Variants in FGF14 observed in about 807,000 individuals in gnomAD.
FGF14 encodes fibroblast growth factor 14.
Under a neutral mutation model 25.5 loss-of-function variants are expected in FGF14, and 5 were observed. That is an observed-to-expected ratio of 0.20 (90% CI 0.10 to 0.41). The LOEUF (loss-of-function observed/expected upper bound fraction) is 0.41, where lower values mean the gene tolerates loss of function less well. FGF14 is among the 10% of genes least tolerant of loss of function. FGF14 has a pLI of 1.00. For synonymous variants in FGF14, 138 were observed against 118.3 expected, an observed-to-expected ratio of 1.17 and a Z score of -1.08; for missense variants, 222 against 320.1, an observed-to-expected ratio of 0.69 and a Z score of 2.34.
chr13:102,083,907 A>C (rs1031200741), intron 1 of FGF14, among the ~76,000 whole-genome samples: 1 of 152,348 alleles, frequency 6.6e-6, no homozygotes, highest in East Asian at 1.9e-4. Context: ...GAAACTGAAG[A>C]AATAGTGTCC....
intron 1 of FGF14, among the ~76,000 whole-genome samples, chr13:102,043,363 G>A (rs977806483): frequency 6.6e-6 from 1 of 152,116 alleles, no homozygotes; most frequent in Non-Finnish European, 1.5e-5. Context: ...ATTGGAACCA[G>A]GCTGCATTAA....
At chr13:101,962,699 A>T (rs2036938818) in intron 1 of FGF14, among the ~76,000 whole-genome samples, 1 of 151,908 alleles carries the variant, frequency 6.6e-6, no homozygotes, top group Admixed American at 6.6e-5. Flanking sequence ...TTATATTTTG[A>T]ATATAAAATT....
intron 1 of FGF14, among the ~76,000 whole-genome samples, chr13:102,172,066 G>A (rs984513949): frequency 4.0e-5 from 6 of 151,726 alleles, no homozygotes; most frequent in Admixed American, 3.9e-4. Context: ...CTGAGCTCAC[G>A]TGATCCTCCT....
chr13:102,131,001 C>A (rs960085137), intron 1 of FGF14, among the ~76,000 whole-genome samples: 1 of 152,160 alleles, frequency 6.6e-6, no homozygotes, highest in Non-Finnish European at 1.5e-5. Context: ...AAATGCATAG[C>A]AAAACTAGGT....
intron 3 of FGF14, among the ~76,000 whole-genome samples, chr13:101,743,542 T>C (rs2036690819): frequency 1.3e-5 from 2 of 152,162 alleles, no homozygotes; most frequent in Admixed American, 1.3e-4. Context: ...TGAATGAGGG[T>C]GAATCCCTCT....
intron 1 of FGF14, among the ~76,000 whole-genome samples, chr13:102,188,887 G>A (rs1440117222): frequency 6.6e-6 from 1 of 150,712 alleles, no homozygotes; most frequent in Non-Finnish European, 1.5e-5. Context: ...GTTGCAGTGA[G>A]CTGAGACTGC....
intron 1 of FGF14, among the ~76,000 whole-genome samples, chr13:102,156,560 A>C (rs1455509216): frequency 2.0e-5 from 3 of 152,230 alleles, no homozygotes; most frequent in South Asian, 2.1e-4. Context: ...TATCATACTG[A>C]ATGAACAAAA....
chr13:101,864,716 CAGG>C (rs1438143846), intron 3 of FGF14, among the ~76,000 whole-genome samples: 2 of 152,100 alleles, frequency 1.3e-5, no homozygotes, highest in Non-Finnish European at 2.9e-5. Context: ...ATGCTAATTT[CAGG>C]AGAACACTGG....
intron 1 of FGF14, among the ~76,000 whole-genome samples, chr13:102,128,901 G>A (rs939566814): frequency 6.6e-6 from 1 of 152,004 alleles, no homozygotes; most frequent in Non-Finnish European, 1.5e-5. Flanking sequence ...TGACTAACAC[G>A]GTGAAACCCT....
At position 102,161,658 on chromosome 13, in the gene FGF14, GAAGAAGAAGAAGAAGAA is replaced by G. The variant is rs2047740273; in HGVS notation, c.208+239796_208+239812del. Among the ~76,000 whole-genome samples the G allele has an allele frequency of 4.4e-4, 9 of 20,550 alleles. 1 individual carries two copies. The highest frequency in any genetic ancestry group is 1.5e-3 in the African/African-American group (8 of 5,294). 13.5% of individuals were successfully genotyped at this position (20,550 alleles called of 152,430 possible). A position where few individuals can be genotyped will look rare whatever the true frequency, so the allele number is the denominator to read the frequency against. On this transcript the variant is annotated intron_variant, in intron 1 of 4. Coordinates refer to the FGF14 transcript ENST00000376131. The stretch of plus-strand genomic sequence containing the variant: ...AGAAGAAGAAGAAGAAGAAGAAGAA[GAAGAAGAAGAAGAAGAA>G]GAAGAAGAAGAAGAAGAAGAAGAAG...
At chr13:102,110,403 A>G (rs974741480) in intron 1 of FGF14, among the ~76,000 whole-genome samples, 3 of 152,122 alleles carry the variant, frequency 2.0e-5, no homozygotes, top group African/African-American at 7.2e-5. Context: ...AAAGGAATAC[A>G]TTTGCAGGAT....
At chr13:102,031,482 C>T (rs1030671731) in intron 1 of FGF14, among the ~76,000 whole-genome samples, 2 of 152,144 alleles carry the variant, frequency 1.3e-5, no homozygotes, top group South Asian at 4.1e-4. Context: ...GCTTTTTTCA[C>T]TAAAAGTTCT....
chr13:101,966,277 A>T lies in FGF14; in HGVS notation c.209-90981T>A, dbSNP rs372259884. ...CACAGAGAAAACACACTTATGCAAA[A>T]AGAACACCATGAGAAGATGAAGGCA... On this transcript the variant is annotated intron_variant, in intron 1 of 4. Coordinates refer to the FGF14 transcript ENST00000376131. 3.6e-4 allele frequency among the ~76,000 whole-genome samples: 55 copies of T among 152,302 alleles called. 1 individual carries two copies. Among genetic ancestry groups the T allele is most frequent in the African/African-American group, 1.2e-3 (51 of 41,580 alleles).
chr13:102,261,816 G>C (rs1412514954), intron 1 of FGF14, among the ~76,000 whole-genome samples: 1 of 152,156 alleles, frequency 6.6e-6, no homozygotes. Context: ...AAATAAAATA[G>C]GGGGTACCCA....
rs2043433820 is a variant in FGF14, at chr13:102,077,844, A to C, written c.209-202548T>G. 2.0e-5 allele frequency among the ~76,000 whole-genome samples: 3 copies of C among 152,324 alleles called. No individual in the cohort carries two copies. The South Asian group carries it at 6.2e-4, about 32-fold the overall frequency. On this transcript the variant is annotated intron_variant, in intron 1 of 4. Transcript: ENST00000376131. The stretch of plus-strand genomic sequence containing the variant: ...AAGAGATTTCTGCTCTTCCATGTTT[A>C]CTGCAGCATTGTTCACAATAGCCAA...
intron 1 of FGF14, among the ~76,000 whole-genome samples, chr13:102,389,747 G>T (rs11069485): frequency 6.6e-6 from 1 of 152,068 alleles, no homozygotes; most frequent in Non-Finnish European, 1.5e-5. Flanking sequence ...ACACAAATCC[G>T]CTGTGAGCAA....
At chr13:101,994,579 G>A (rs962461456) in intron 1 of FGF14, among the ~76,000 whole-genome samples, 6 of 151,894 alleles carry the variant, frequency 4.0e-5, no homozygotes, top group African/African-American at 1.4e-4. Context: ...CAAATCATCA[G>A]CTACCAGTCA....
chr13:102,176,665 G>T (rs2048463036), intron 1 of FGF14, among the ~76,000 whole-genome samples: 1 of 152,140 alleles, frequency 6.6e-6, no homozygotes, highest in South Asian at 2.1e-4. Flanking sequence ...ATAATGTATT[G>T]CACAATTAAA....
At chr13:102,247,512 A>C (rs1261470166) in intron 1 of FGF14, among the ~76,000 whole-genome samples, 1 of 152,190 alleles carries the variant, frequency 6.6e-6, no homozygotes, top group Non-Finnish European at 1.5e-5. Flanking sequence ...TGATCATTAG[A>C]AAAATGTAAA....
Sources: allele counts gnomAD v4.1 joint callset (sites outside exome capture counted in the v4.1 genomes callset), GRCh38; gene constraint gnomAD v4.1.1; transcripts MANE v1.5; gene names NCBI Gene and HGNC (gene_info 2026-07-23, HGNC 2026-07-21).